SLC8A1: variants seen among roughly 807,000 people sequenced by gnomAD.
SLC8A1 encodes solute carrier family 8 member A1.
Under a neutral mutation model 68.3 loss-of-function variants are expected in SLC8A1, and 18 were observed. The observed-to-expected ratio is 0.26, with a 90% confidence interval of 0.18 to 0.39. SLC8A1 has a LOEUF of 0.39. Among genes scored for constraint, SLC8A1 ranks in the 10% least tolerant of loss-of-function variants. The pLI, the probability that SLC8A1 is intolerant of heterozygous loss-of-function variation, is 1.00. For synonymous variants in SLC8A1, 475 were observed against 415.5 expected, an observed-to-expected ratio of 1.14 and a Z score of -1.74; for missense variants, 985 against 1,156.7, an observed-to-expected ratio of 0.85 and a Z score of 2.15.
At chr2:40,403,334 T>C (rs953794824) in intron 2 of SLC8A1, among the ~76,000 whole-genome samples, 1 of 152,232 alleles carries the variant, frequency 6.6e-6, no homozygotes, top group African/African-American at 2.4e-5. Flanking sequence ...TCTCGTTTCA[T>C]GGTTAGCAGG....
chr2:40,366,151 A>G (rs888633948), intron 2 of SLC8A1, among the ~76,000 whole-genome samples: 19 of 152,066 alleles, frequency 1.2e-4, no homozygotes, highest in African/African-American at 4.6e-4. Context: ...TGGGGATAAT[A>G]AGAGCACCCA....
At chr2:40,224,777 T>G (rs2148862545) in intron 2 of SLC8A1, among the ~76,000 whole-genome samples, 1 of 152,224 alleles carries the variant, frequency 6.6e-6, no homozygotes, top group Non-Finnish European at 1.5e-5. Context: ...GAAGATGAGT[T>G]GCAATCTATC....
chr2:40,161,298 T>A (rs1056617730), intron 5 of SLC8A1, among the ~76,000 whole-genome samples: 1 of 152,208 alleles, frequency 6.6e-6, no homozygotes, highest in Admixed American at 6.5e-5. Flanking sequence ...AATATTGCTA[T>A]TGTATTTTGT....
At chr2:40,142,971 CGA>C (rs145998783) in intron 6 of SLC8A1, among the ~76,000 whole-genome samples, 50 of 145,006 alleles carry the variant, frequency 3.4e-4, no homozygotes, top group Middle Eastern at 3.6e-3. Flanking sequence ...TGTGTGAGAG[CGA>C]GAGAGAGAGA....
In SLC8A1 at chr2:40,306,057, G is replaced by C. The variant is rs1398717358; in HGVS notation, c.1808+122416C>G. 3.3e-5 allele frequency among the ~76,000 whole-genome samples: 5 copies of C among 152,152 alleles called. No individual in the cohort carries two copies. In the East Asian group the frequency reaches 9.6e-4, roughly 29 times the overall value. ...TTGGGAGGATGAATGTATTTCCAAG[G>C]AACTGTCTATTCTGGGATGCTCATG... is the stretch of plus-strand genomic sequence containing the variant. On this transcript the variant is annotated intron_variant, in intron 2 of 7. Coordinates refer to ENST00000406785, the Ensembl canonical transcript of SLC8A1.
chr2:40,122,592 G>GC lies in SLC8A1; in HGVS notation c.2438-6964dup, dbSNP rs1196128173. On this transcript the variant is annotated intron_variant, in intron 7 of 7. Transcript: ENST00000406785. ...AACTTTTGAAAACATGAACTTGCTA[G>GC]CCCCACCTTGAGTTTCTGCTTAATC... Among the ~76,000 whole-genome samples the GC allele has an allele frequency of 1.1e-4, 17 of 152,194 alleles. No homozygotes were observed. The East Asian group carries it at 3.3e-3, about 30-fold the overall frequency.
chr2:40,176,290 C>A (rs2048458965), intron 3 of SLC8A1, among the ~76,000 whole-genome samples: 2 of 152,030 alleles, frequency 1.3e-5, no homozygotes, highest in African/African-American at 2.4e-5. Context: ...CTGGATAGTG[C>A]TATTAAGGAA....
chr2:40,170,896 CTCTG>C (rs1451905487), intron 4 of SLC8A1, among the ~76,000 whole-genome samples: 5 of 152,258 alleles, frequency 3.3e-5, no homozygotes, highest in Admixed American at 6.5e-5. Flanking sequence ...ATAGTACCTG[CTCTG>C]TCTAAGACAG....
At chr2:40,133,785 A>G (rs761487736) in intron 7 of SLC8A1, among the ~76,000 whole-genome samples, 30 of 152,166 alleles carry the variant, frequency 2.0e-4, no homozygotes, top group African/African-American at 2.9e-4. Context: ...TTTGAATCCA[A>G]TAGGAACAAG....
chr2:40,500,686 T>C (rs979556263), intron 1 of SLC8A1, among the ~76,000 whole-genome samples: 2 of 151,900 alleles, frequency 1.3e-5, no homozygotes, highest in Admixed American at 6.6e-5. Flanking sequence ...TCATTGATGT[T>C]GATCCAGTGT....
At chr2:40,098,467 C>A (rs1357845928) in exon 8 of SLC8A1, 1 of 151,902 alleles carries the variant, frequency 6.6e-6, no homozygotes, top group Non-Finnish European at 1.5e-5. Flanking sequence ...AGTTAACTTA[C>A]ATGGAATGGT....
chr2:40,286,574 T>A (rs11891800), intron 2 of SLC8A1, among the ~76,000 whole-genome samples: 3 of 151,982 alleles, frequency 2.0e-5, no homozygotes, highest in African/African-American at 7.3e-5. Context: ...GTCTGTAAGA[T>A]AGGAAGTTTA....
intron 1 of SLC8A1, among the ~76,000 whole-genome samples, chr2:40,482,533 C>T (rs1349712127): frequency 1.3e-5 from 2 of 152,006 alleles, no homozygotes; most frequent in African/African-American, 2.4e-5. Context: ...TGCTGAGTAC[C>T]ACCGATGACA....
At chr2:40,416,448 T>A (rs570719164) in intron 2 of SLC8A1, among the ~76,000 whole-genome samples, 2 of 152,306 alleles carry the variant, frequency 1.3e-5, no homozygotes, top group South Asian at 4.1e-4. Flanking sequence ...AAGTAAGGCA[T>A]AGACTAATTT....
chr2:40,403,867 T>C (rs1689491073), intron 2 of SLC8A1, among the ~76,000 whole-genome samples: 1 of 152,126 alleles, frequency 6.6e-6, no homozygotes, highest in Non-Finnish European at 1.5e-5. Context: ...AAAAATAAAC[T>C]CCTGACAGTG....
intron 2 of SLC8A1, among the ~76,000 whole-genome samples, chr2:40,384,040 T>G (rs976417219): frequency 1.3e-5 from 2 of 151,966 alleles, no homozygotes; most frequent in African/African-American, 4.8e-5. Context: ...ATGGGAAGAT[T>G]GCTTGAGGCC....
intron 2 of SLC8A1, among the ~76,000 whole-genome samples, chr2:40,385,929 G>A (rs990021993): frequency 6.6e-6 from 1 of 150,990 alleles, no homozygotes; most frequent in Non-Finnish European, 1.5e-5. Context: ...AGATTTGAGA[G>A]GTAGAAAGAA....
chr2:40,245,555 C>G (rs2061756667), intron 2 of SLC8A1, among the ~76,000 whole-genome samples: 2 of 152,156 alleles, frequency 1.3e-5, no homozygotes, highest in Non-Finnish European at 2.9e-5. Flanking sequence ...TACCTGTTTG[C>G]TTCTGCTTTG....
At chr2:40,204,182 A>G (rs2054936012) in intron 2 of SLC8A1, among the ~76,000 whole-genome samples, 1 of 152,130 alleles carries the variant, frequency 6.6e-6, no homozygotes, top group South Asian at 2.1e-4. Flanking sequence ...TGTTCAGAAA[A>G]CATCTTAAAT....
Sources: allele counts gnomAD v4.1 joint callset (sites outside exome capture counted in the v4.1 genomes callset), GRCh38; gene constraint gnomAD v4.1.1; transcripts MANE v1.5; gene names NCBI Gene and HGNC (gene_info 2026-07-23, HGNC 2026-07-21).